CTNNA2: variants seen among roughly 807,000 people sequenced by gnomAD.
CTNNA2 encodes catenin alpha-2.
Under a neutral mutation model 101.0 loss-of-function variants are expected in CTNNA2, and 42 were observed. That is an observed-to-expected ratio of 0.42 (90% confidence interval 0.32 to 0.54). The LOEUF is 0.54. Ranked by LOEUF, CTNNA2 falls within the 20% of genes least tolerant of loss-of-function variation. The probability of loss-of-function intolerance (pLI) is 0.14; values close to 1 mark genes in which losing one functional copy is unlikely to be tolerated. For missense variants in CTNNA2, 871 were observed against 1,223.1 expected, an observed-to-expected ratio of 0.71 and a Z score of 4.29; for synonymous variants, 450 against 456.4, an observed-to-expected ratio of 0.99 and a Z score of 0.18.
chr2:80,618,899 G>C (rs891718869), intron 17 of CTNNA2, 186 bp from the exon 18 acceptor site: 5 of 401,420 alleles, frequency 1.2e-5, no homozygotes, highest in African/African-American at 8.2e-5. Context: ...GAAATGGCCA[G>C]GCCGCTTAAT....
In CTNNA2 at chr2:79,615,478, G is replaced by A. The variant is rs991768722; in HGVS notation, c.-5-36074G>A. On this transcript the variant is annotated intron_variant, in intron 1 of 18. Coordinates refer to ENST00000402739, the MANE Select transcript of CTNNA2 (RefSeq NM_001282597.3). ...ATTTCATTTACAGTGGAATATTTGA[G>A]CTTTATTATTTCATTTCTGTCAATA... 7.9e-5 allele frequency among the ~76,000 whole-genome samples: 12 copies of A among 152,084 alleles called. 1 individual carries two copies. Among genetic ancestry groups the A allele is most frequent in the African/African-American group, 2.7e-4 (11 of 41,412 alleles).
rs566510290 is a variant in CTNNA2, at chr2:79,946,670, A to G, written c.1056+36873A>G. Among the ~76,000 whole-genome samples, 495 of 152,304 alleles carry G rather than the reference A, an allele frequency of 3.3e-3. 2 individuals are homozygous for G. Among genetic ancestry groups the G allele is most frequent in the Non-Finnish European group, 3.6e-3 (245 of 68,026 alleles). ...GAAAGAGGTGTGTTATCAGACAACA[A>G]GCTGAAGATATGTCAGGCACTGTGT... On this transcript the variant is annotated intron_variant, in intron 7 of 18. Coordinates refer to ENST00000402739, the MANE Select transcript of CTNNA2 (RefSeq NM_001282597.3).
At chr2:80,395,178 T>C (rs893807446) in intron 8 of CTNNA2, among the ~76,000 whole-genome samples, 6 of 152,214 alleles carry the variant, frequency 3.9e-5, no homozygotes, top group African/African-American at 1.4e-4. Context: ...TTTAAATGCT[T>C]AGGTGACAAG....
In CTNNA2 at chr2:80,550,372, G is replaced by T. The variant is rs115420228; in HGVS notation, c.1540+4309G>T. Reference sequence around the variant, plus strand: ...TGGTGGTTCCTGTGTGGTTCCTGAAGGATGGCGTGGCTGTGGCAATTTCTT... The same window carrying T: ...TGGTGGTTCCTGTGTGGTTCCTGAATGATGGCGTGGCTGTGGCAATTTCTT... On this transcript the variant is annotated intron_variant, in intron 11 of 18. Coordinates refer to ENST00000402739, the MANE Select transcript of CTNNA2 (RefSeq NM_001282597.3). 2.9e-3 allele frequency among the ~76,000 whole-genome samples: 449 copies of T among 152,284 alleles called. 2 individuals are homozygous for T. Among genetic ancestry groups the T allele is most frequent in the South Asian group, 0.014 (67 of 4,822 alleles).
intron 7 of CTNNA2, among the ~76,000 whole-genome samples, chr2:80,005,580 G>A (rs1441866748): frequency 1.3e-5 from 2 of 152,110 alleles, no homozygotes; most frequent in Non-Finnish European, 2.9e-5. Context: ...AGCCTGGGTC[G>A]GCCAAGGAGT....
At chr2:79,941,669 A>C (rs1352535187) in intron 7 of CTNNA2, among the ~76,000 whole-genome samples, 1 of 152,192 alleles carries the variant, frequency 6.6e-6, no homozygotes, top group Non-Finnish European at 1.5e-5. Flanking sequence ...CCCAGGCTGA[A>C]GTGCAGTGAC....
chr2:80,558,665 C>T (rs1003592079), intron 12 of CTNNA2, among the ~76,000 whole-genome samples: 12 of 151,922 alleles, frequency 7.9e-5, no homozygotes, highest in Non-Finnish European at 1.3e-4. Flanking sequence ...GTTGAATTGG[C>T]CACTTTTCTA....
In CTNNA2 at chr2:80,293,793, A is replaced by C. The variant is rs541610866; in HGVS notation, c.1057-99418A>C. On this transcript the variant is annotated intron_variant, in intron 7 of 18. Transcript: ENST00000402739. ...TCTGCGGATGCAGTGGACTGAGTGGAAAGGGAATATTTTGGTGTTAGGGGT... is the reference window on the plus strand; with the variant it reads ...TCTGCGGATGCAGTGGACTGAGTGGCAAGGGAATATTTTGGTGTTAGGGGT... Among the ~76,000 whole-genome samples, 6 of 152,250 alleles carry C rather than the reference A, an allele frequency of 3.9e-5. No individual in the cohort carries two copies. In the South Asian group the frequency reaches 1.2e-3, roughly 32 times the overall value.
chr2:80,353,284 G>A (rs186716421), intron 7 of CTNNA2, among the ~76,000 whole-genome samples: 52 of 152,122 alleles, frequency 3.4e-4, no homozygotes, highest in African/African-American at 1.1e-3. Flanking sequence ...ACAAAATTCT[G>A]CCATGACAAT....
chr2:79,390,504 A>T (rs1678160015), intron 4 of CTNNA2, among the ~76,000 whole-genome samples: 1 of 152,178 alleles, frequency 6.6e-6, no homozygotes, highest in Non-Finnish European at 1.5e-5. Flanking sequence ...CCAGACATGA[A>T]TTTTTTCCAC....
At chr2:79,640,727 T>G (rs1284022591) in intron 1 of CTNNA2, among the ~76,000 whole-genome samples, 1 of 152,268 alleles carries the variant, frequency 6.6e-6, no homozygotes. Context: ...AAATAAATAT[T>G]TGGATATTTC....
At chr2:80,602,253 G>C (rs1488820599) in intron 15 of CTNNA2, among the ~76,000 whole-genome samples, 1 of 151,860 alleles carries the variant, frequency 6.6e-6, no homozygotes, top group African/African-American at 2.4e-5. Context: ...TAATCAAAAA[G>C]ACATGCTTCT....
At chr2:79,540,568 T>C (rs1673345618) in intron 1 of CTNNA2, among the ~76,000 whole-genome samples, 1 of 152,234 alleles carries the variant, frequency 6.6e-6, no homozygotes, top group Non-Finnish European at 1.5e-5. Context: ...CATTACTGTT[T>C]CCTAAAGTGT....
At chr2:79,493,955 A>G (rs1295172058) in intron 4 of CTNNA2, 1 of 152,186 alleles carries the variant, frequency 6.6e-6, no homozygotes, top group Non-Finnish European at 1.5e-5. Context: ...GTATTAAAAT[A>G]ATAAACGAGG....
intron 1 of CTNNA2, among the ~76,000 whole-genome samples, chr2:79,595,595 A>G (rs1417159283): frequency 4.6e-5 from 7 of 152,116 alleles, no homozygotes; most frequent in Admixed American, 3.9e-4. Context: ...TCTCCATTCT[A>G]TTCAGCATAC....
upstream of CTNNA2, among the ~76,000 whole-genome samples, chr2:79,511,084 A>G (rs545146640): frequency 5.3e-5 from 8 of 152,336 alleles, no homozygotes; most frequent in East Asian, 1.5e-3. Context: ...GAGTATGAAA[A>G]AGATCACAAT....
At chr2:80,079,959 A>G (rs1326358693) in intron 7 of CTNNA2, among the ~76,000 whole-genome samples, 8 of 152,024 alleles carry the variant, frequency 5.3e-5, no homozygotes, top group Admixed American at 5.2e-4. Context: ...TTTATTGCCT[A>G]AAGTTTAAGA....
At chr2:79,290,823 A>G (rs1471112732) in intron 2 of CTNNA2, among the ~76,000 whole-genome samples, 8 of 152,124 alleles carry the variant, frequency 5.3e-5, no homozygotes, top group African/African-American at 1.9e-4. Context: ...CCCATGTGTG[A>G]TCCAAATCTT....
intron 3 of CTNNA2, among the ~76,000 whole-genome samples, chr2:79,367,090 A>T (rs1014127575): frequency 3.3e-5 from 5 of 152,156 alleles, no homozygotes; most frequent in Non-Finnish European, 7.3e-5. Flanking sequence ...CCCTCATGAT[A>T]GGGTTAGAGG....
Sources: gnomAD v4.1 joint callset for allele counts (sites outside exome capture counted in the v4.1 genomes callset) on GRCh38, gnomAD v4.1.1 for gene constraint, MANE v1.5 for transcripts, NCBI Gene and HGNC (gene_info 2026-07-23, HGNC 2026-07-21) for gene names.